The following RASSF9 variants were observed in gnomAD, a reference collection of about 807,000 sequenced individuals.
The protein encoded by RASSF9 is Ras association domain family member 9.
RASSF9 carries 18 observed loss-of-function variants against 21.4 expected under a neutral mutation model. The ratio of observed to expected loss-of-function variants is 0.84; its 90% CI spans 0.58 to 1.25. The LOEUF is 1.25. RASSF9 is among the 50% of genes most tolerant of loss of function. RASSF9 has a pLI of 0.00. For missense variants in RASSF9, 480 were observed against 503.2 expected, an observed-to-expected ratio of 0.95 and a Z score of 0.44; for synonymous variants, 183 against 179.1, an observed-to-expected ratio of 1.02 and a Z score of -0.18.
intron 1 of RASSF9, among the ~76,000 whole-genome samples, chr12:85,828,300 C>T (rs1052760139): frequency 6.6e-6 from 1 of 151,872 alleles, no homozygotes; most frequent in African/African-American, 2.4e-5. Flanking sequence ...TCTAATAGCA[C>T]AACAGTGTGG....
At chr12:85,806,062 TGA>T in intron 1 of RASSF9, 100 bp from the exon 2 acceptor site, 1 of 1,303,004 alleles carries the variant, frequency 7.7e-7, no homozygotes, top group Non-Finnish European at 1.0e-6. Flanking sequence ...TTACCCTTAA[TGA>T]GAGAGGCATT....
At position 85,803,651 on chromosome 12, in the gene RASSF9, C is replaced by T. The variant is rs1879750387; in HGVS notation, c.*1051G>A. ...TCAGTCAAGATAAGACCTAAATAAT[C>T]CCTTCAATTTCTTGAATTCTTACTA... On this transcript the variant is annotated 3_prime_UTR_variant, in exon 2 of 2. Coordinates refer to ENST00000361228, the MANE Select transcript of RASSF9 (RefSeq NM_005447.4). 2.0e-5 allele frequency: 3 copies of T among 152,104 alleles called. No homozygotes were observed. The allele number at this position is 152,104 out of a possible 1,614,324, so 9.4% of individuals were successfully genotyped here.
At chr12:85,813,416 T>C (rs1031950954) in intron 1 of RASSF9, among the ~76,000 whole-genome samples, 5 of 151,968 alleles carry the variant, frequency 3.3e-5, no homozygotes, top group East Asian at 3.8e-4. Context: ...AATAATTTAA[T>C]TGACTAAGCA....
intron 1 of RASSF9, among the ~76,000 whole-genome samples, chr12:85,817,552 A>C (rs1165586009): frequency 6.6e-6 from 1 of 151,992 alleles, no homozygotes; most frequent in Non-Finnish European, 1.5e-5. Context: ...TTTAATAAAA[A>C]TTTTTATATA....
At chr12:85,828,838 GT>G (rs1391809190) in intron 1 of RASSF9, among the ~76,000 whole-genome samples, 2 of 152,032 alleles carry the variant, frequency 1.3e-5, no homozygotes. Context: ...CCTTTTAAGT[GT>G]TTTTACTAAT....
At position 85,823,602 on chromosome 12, in the gene RASSF9, C is replaced by T. The variant is rs188440452; in HGVS notation, c.47+12553G>A. ...AATAGACCTTGGAACTTGCTATGAC[C>T]AATGGAATGTGGCAAAAACCATGTT... On this transcript the variant is annotated intron_variant, in intron 1 of 1. Transcript: ENST00000361228. Among the ~76,000 whole-genome samples, 305 of 152,292 alleles carry T rather than the reference C, an allele frequency of 2.0e-3. 1 individual carries two copies. Among genetic ancestry groups the T allele is most frequent in the Non-Finnish European group, 3.2e-3 (219 of 68,024 alleles).
intron 1 of RASSF9, among the ~76,000 whole-genome samples, chr12:85,820,621 C>G (rs1359757725): frequency 6.6e-6 from 1 of 152,056 alleles, no homozygotes; most frequent in Non-Finnish European, 1.5e-5. Context: ...TATTTGCTAA[C>G]AAGAAATTAA....
rs1431123078 is a variant in RASSF9 at position 85,804,399 on chromosome 12, A to C, written c.*303T>G. On this transcript the variant is annotated 3_prime_UTR_variant, in exon 2 of 2. Coordinates refer to ENST00000361228, the MANE Select transcript of RASSF9 (RefSeq NM_005447.4). ...TGAGGATTGCTTTTAAAGTTTATGT[A>C]AATCGTTTTCCACAGACGCTAAGGA... The C allele has an allele frequency of 3.8e-6, 1 of 260,104 alleles. No homozygotes were observed. Among genetic ancestry groups the C allele is most frequent in the Admixed American group, 4.8e-5 (1 of 21,006 alleles). 16.1% of individuals were successfully genotyped at this position (260,104 alleles called of 1,614,324 possible).
chr12:85,804,521 C>T lies in RASSF9; in HGVS notation c.*181G>A, dbSNP rs1454488455. On this transcript the variant is annotated 3_prime_UTR_variant, in exon 2 of 2. Transcript: ENST00000361228. ...ATAAATAGTTCATTGCTTGAACTTG[C>T]AATAATTAAAGTTCCTTTGGAAATT... 1.8e-6 allele frequency: 1 copy of T among 567,946 alleles called. No homozygotes were observed. Among genetic ancestry groups the T allele is most frequent in the Non-Finnish European group, 2.8e-6 (1 of 354,408 alleles). 35.2% of individuals were successfully genotyped at this position (567,946 alleles called of 1,614,324 possible).
chr12:85,808,131 G>A (rs1037522198), intron 1 of RASSF9, among the ~76,000 whole-genome samples: 1 of 151,994 alleles, frequency 6.6e-6, no homozygotes, highest in African/African-American at 2.4e-5. Flanking sequence ...GGCAGCAATA[G>A]TGATTAATTC....
intron 1 of RASSF9, among the ~76,000 whole-genome samples, chr12:85,815,631 A>C (rs1452029657): frequency 6.6e-6 from 1 of 152,070 alleles, no homozygotes; most frequent in Admixed American, 6.6e-5. Context: ...AATAATAGCC[A>C]TTCTGACTGG....
At chr12:85,820,043 A>C (rs1264852795) in intron 1 of RASSF9, among the ~76,000 whole-genome samples, 1 of 152,234 alleles carries the variant, frequency 6.6e-6, no homozygotes, top group Non-Finnish European at 1.5e-5. Context: ...TGGCTACCAC[A>C]GTGTTGGCAA....
intron 1 of RASSF9, among the ~76,000 whole-genome samples, chr12:85,826,740 GC>G (rs1234483006): frequency 1.6e-4 from 24 of 151,944 alleles, no homozygotes; most frequent in East Asian, 5.8e-4. Context: ...ACCGCGCCTG[GC>G]CCATCCCTTC....
chr12:85,832,724 A>G (rs1880476911), intron 1 of RASSF9, among the ~76,000 whole-genome samples: 1 of 151,890 alleles, frequency 6.6e-6, no homozygotes, highest in African/African-American at 2.4e-5. Flanking sequence ...ACTCTCAAAC[A>G]TTTGTATTCT....
intron 1 of RASSF9, among the ~76,000 whole-genome samples, chr12:85,818,533 T>C (rs1462370617): frequency 6.6e-6 from 1 of 152,216 alleles, no homozygotes; most frequent in African/African-American, 2.4e-5. Context: ...TAAGACAATA[T>C]ATATTTATCA....
intron 1 of RASSF9, among the ~76,000 whole-genome samples, chr12:85,829,692 T>A (rs1476300436): frequency 1.3e-5 from 2 of 152,132 alleles, no homozygotes; most frequent in Non-Finnish European, 2.9e-5. Context: ...CTAATTATGA[T>A]GATGCTCATT....
intron 1 of RASSF9, among the ~76,000 whole-genome samples, chr12:85,818,313 ATTGT>A (rs1303267804): frequency 6.6e-5 from 10 of 152,286 alleles, no homozygotes; most frequent in South Asian, 2.1e-4. Context: ...GGCACAAGAG[ATTGT>A]TTGTTCAATG....
Position 85,800,938 on chromosome 12 carries a change from T to C in RASSF9, c.*3764A>G, listed in dbSNP as rs1461510621. On this transcript the variant is annotated 3_prime_UTR_variant, in exon 2 of 2. Transcript: ENST00000361228. ...ATTATAAAAGGCAGCCACAGAAATA[T>C]ATTTTGTCATGTACAGTAGATATTT... 1.3e-5 allele frequency: 2 copies of C among 151,892 alleles called. No homozygotes were observed. The highest frequency in any genetic ancestry group is 6.6e-5 in the Admixed American group (1 of 15,262). 9.4% of individuals were successfully genotyped at this position (151,892 alleles called of 1,614,324 possible).
chr12:85,808,407 CTGAG>C (rs1160571080), intron 1 of RASSF9, among the ~76,000 whole-genome samples: 4 of 152,080 alleles, frequency 2.6e-5, no homozygotes, highest in East Asian at 1.9e-4. Context: ...TGACTCAATA[CTGAG>C]TATTATATTT....
Sources: allele counts gnomAD v4.1 joint callset (sites outside exome capture counted in the v4.1 genomes callset), GRCh38; gene constraint gnomAD v4.1.1; transcripts MANE v1.5; gene names NCBI Gene and HGNC (gene_info 2026-07-23, HGNC 2026-07-21).